The following GSG1L variants were observed in gnomAD, a reference collection of about 807,000 sequenced individuals.
GSG1L encodes the protein germ cell-specific gene 1-like protein.
Under a neutral mutation model 42.1 loss-of-function variants are expected in GSG1L, and 24 were observed. The ratio of observed to expected loss-of-function variants is 0.57; its 90% CI spans 0.41 to 0.80. The LOEUF is 0.80. GSG1L is among the 30% of genes least tolerant of loss of function. GSG1L has a pLI of 0.00. For synonymous variants in GSG1L, 215 were observed against 203.5 expected, an observed-to-expected ratio of 1.06 and a Z score of -0.48; for missense variants, 445 against 472.2, an observed-to-expected ratio of 0.94 and a Z score of 0.53.
Position 27,888,401 on chromosome 16 carries a change from CTTCTTTCTTTCT to C in GSG1L, c.398-3775_398-3764del, listed in dbSNP as rs768689001. Among the ~76,000 whole-genome samples the C allele has an allele frequency of 8.0e-3, 980 of 122,560 alleles. 48 individuals carry two copies. Among genetic ancestry groups the C allele is most frequent in the Non-Finnish European group, 6.3e-3 (385 of 61,012 alleles). The allele number at this position is 122,560 out of a possible 152,430, so 80.4% of individuals were successfully genotyped here. On this transcript the variant is annotated intron_variant, in intron 2 of 6. Coordinates refer to ENST00000447459, the MANE Select transcript of GSG1L (RefSeq NM_001109763.2). The stretch of plus-strand genomic sequence containing the variant: ...GGTTCTTTCTTTCTTTTCTTTTCTC[CTTCTTTCTTTCT>C]TTCTTTCTTTCTTTCTTTCTTTCTT...
intron 2 of GSG1L, among the ~76,000 whole-genome samples, chr16:27,944,088 G>C (rs183639991): frequency 2.0e-5 from 3 of 152,292 alleles, no homozygotes; most frequent in Admixed American, 6.5e-5. Flanking sequence ...GGATTTGGTA[G>C]TGGCCAGGAA....
chr16:27,997,122 T>G (rs1457910437), intron 1 of GSG1L, among the ~76,000 whole-genome samples: 1 of 152,014 alleles, frequency 6.6e-6, no homozygotes, highest in Non-Finnish European at 1.5e-5. Context: ...AAAATCAAGG[T>G]GTAGGCCCAG....
rs200167231 is a variant in GSG1L at position 27,884,547 on chromosome 16, G to T, written c.489C>A (p.Ser163=). 443 of 1,613,880 alleles carry T rather than the reference G, an allele frequency of 2.7e-4. No individual in the cohort carries two copies. The highest frequency in any genetic ancestry group is 1.8e-3 in the Middle Eastern group (11 of 6,060). ...FSLMCLELFH[S]SNVIDGLKLN... ...GCTTGAGCCCGTCGATGACATTGCT[G>T]GAGTGGAAGAGCTCGAGACACATGA... Residue 163 remains serine, a synonymous_variant, in exon 3 of 7, where the codon TCC becomes TCA. Transcript: ENST00000447459. This position sits in a 1 kb window ranked among gnomAD's most constrained non-coding sequence, Gnocchi z 4.4.
At chr16:27,976,841 C>A (rs2085256256) in intron 1 of GSG1L, among the ~76,000 whole-genome samples, 1 of 152,208 alleles carries the variant, frequency 6.6e-6, no homozygotes, top group South Asian at 2.1e-4. Context: ...CCCCACTCTC[C>A]CGTCATGAAG....
intron 1 of GSG1L, among the ~76,000 whole-genome samples, chr16:28,031,088 G>C (rs957682324): frequency 2.7e-5 from 4 of 149,178 alleles, no homozygotes; most frequent in African/African-American, 9.9e-5. Flanking sequence ...GGCTGAGTTG[G>C]GATGGGATGG....
intron 1 of GSG1L, among the ~76,000 whole-genome samples, chr16:28,024,718 T>C (rs1205697579): frequency 2.6e-5 from 4 of 152,042 alleles, no homozygotes; most frequent in East Asian, 1.9e-4. Flanking sequence ...GACTGTAAAA[T>C]AGGAGTCCAA....
intron 1 of GSG1L, among the ~76,000 whole-genome samples, chr16:27,994,151 G>A (rs1297619312): frequency 2.0e-5 from 3 of 152,148 alleles, no homozygotes; most frequent in Non-Finnish European, 4.4e-5. Context: ...CACAGGAGAG[G>A]CTGCTACAAC....
intron 2 of GSG1L, among the ~76,000 whole-genome samples, chr16:27,953,920 C>T (rs2084977925): frequency 6.6e-6 from 1 of 152,144 alleles, no homozygotes; most frequent in South Asian, 2.1e-4. Context: ...ACAAAAGAAA[C>T]TGAACTTGTC....
At chr16:27,903,841 G>T (rs1387610841) in intron 2 of GSG1L, among the ~76,000 whole-genome samples, 1 of 152,036 alleles carries the variant, frequency 6.6e-6, no homozygotes, top group African/African-American at 2.4e-5. Context: ...CACTGAGTGT[G>T]AGCCCCAGCT....
chr16:27,843,890 A>G (rs2083414829), intron 4 of GSG1L, among the ~76,000 whole-genome samples: 1 of 152,194 alleles, frequency 6.6e-6, no homozygotes, highest in Non-Finnish European at 1.5e-5. Flanking sequence ...TTGGGACTCT[A>G]GTCAATCTTG....
rs148309986 is a variant in GSG1L at position 28,001,568 on chromosome 16, C to T, written c.350-38365G>A. ...AAGGCAATTCACCCACACGTGAAAT[C>T]GTCTCCTCCACCAGCTTACCCAAAA... On this transcript the variant is annotated intron_variant, in intron 1 of 6. Coordinates refer to ENST00000447459, the MANE Select transcript of GSG1L (RefSeq NM_001109763.2). Among the ~76,000 whole-genome samples, 581 of 152,292 alleles carry T rather than the reference C, an allele frequency of 3.8e-3. 5 individuals are homozygous for T. Among genetic ancestry groups the T allele is most frequent in the African/African-American group, 0.013 (539 of 41,546 alleles).
intron 1 of GSG1L, among the ~76,000 whole-genome samples, chr16:28,053,874 C>T (rs1313757016): frequency 3.3e-5 from 5 of 152,174 alleles, no homozygotes; most frequent in African/African-American, 9.7e-5. Context: ...ATGCGGTGCA[C>T]GTGCCTCGAT....
At position 27,924,565 on chromosome 16, in the gene GSG1L, A is replaced by G. The variant is rs79847945; in HGVS notation, c.397+38591T>C. Among the ~76,000 whole-genome samples, 576 of 152,244 alleles carry G rather than the reference A, an allele frequency of 3.8e-3. 5 individuals carry two copies. The highest frequency in any genetic ancestry group is 0.013 in the African/African-American group (547 of 41,546). ...CTTAGAGTTTCTTTTGTATGACTGT[A>G]TAATATCCCAAAGAGCATGGAGACC... On this transcript the variant is annotated intron_variant, in intron 2 of 6. Coordinates refer to ENST00000447459, the MANE Select transcript of GSG1L (RefSeq NM_001109763.2).
chr16:27,951,069 G>C (rs2084946103), intron 2 of GSG1L, among the ~76,000 whole-genome samples: 1 of 152,114 alleles, frequency 6.6e-6, no homozygotes, highest in Non-Finnish European at 1.5e-5. Flanking sequence ...CTGGCATCAA[G>C]GGATACTGAC....
At position 28,014,745 on chromosome 16, in the gene GSG1L, C is replaced by T. The variant is rs868006260; in HGVS notation, c.349+48331G>A. On this transcript the variant is annotated intron_variant, in intron 1 of 6. Coordinates refer to ENST00000447459, the MANE Select transcript of GSG1L (RefSeq NM_001109763.2). ...AACTCCTAGGCTCAGGCAATCCTCC[C>T]ACCTCAGCCTTCCAAAGTGCTGGGA... Among the ~76,000 whole-genome samples the T allele has an allele frequency of 7.9e-5, 12 of 151,280 alleles. 1 individual carries two copies. The Middle Eastern group carries it at 0.017, about 214-fold the overall frequency.
rs942690013 is a variant in GSG1L, at chr16:28,022,274, G to A, written c.349+40802C>T. ...AGGTGATTACATGAGGTTCAATCAG[G>A]GATAAATCATTAAATCGTAAATCAT... On this transcript the variant is annotated intron_variant, in intron 1 of 6. Coordinates refer to ENST00000447459, the MANE Select transcript of GSG1L (RefSeq NM_001109763.2). Among the ~76,000 whole-genome samples, 5 of 151,986 alleles carry A rather than the reference G, an allele frequency of 3.3e-5. No individual in the cohort carries two copies. In the South Asian group the frequency reaches 1.0e-3, roughly 32 times the overall value.
At chr16:28,023,243 T>C (rs945033715) in intron 1 of GSG1L, among the ~76,000 whole-genome samples, 3 of 152,276 alleles carry the variant, frequency 2.0e-5, no homozygotes, top group Non-Finnish European at 2.9e-5. Context: ...TTCTAAGCAC[T>C]GCTTTTTTCA....
At chr16:27,963,049 G>C in intron 2 of GSG1L, 107 bp downstream of exon 2, 1 of 941,334 alleles carries the variant, frequency 1.1e-6, no homozygotes, top group Middle Eastern at 2.7e-4. Flanking sequence ...CTGTTGCCCA[G>C]GGATGCTGAA....
intron 1 of GSG1L, among the ~76,000 whole-genome samples, chr16:27,991,622 C>T (rs1419722834): frequency 1.3e-5 from 2 of 152,046 alleles, no homozygotes; most frequent in Non-Finnish European, 2.9e-5. Context: ...TCAGGTTGGT[C>T]TCAAACTCCT....
Sources: gnomAD v4.1 joint callset for allele counts (sites outside exome capture counted in the v4.1 genomes callset) on GRCh38, gnomAD v4.1.1 for gene constraint, Gnocchi (gnomAD v3.1) non-coding constraint, MANE v1.5 for transcripts, NCBI Gene and HGNC (gene_info 2026-07-23, HGNC 2026-07-21) for gene names.